CGN: variants seen among roughly 807,000 people sequenced by gnomAD.
CGN encodes cingulin.
CGN carries 121 observed loss-of-function variants against 157.1 expected under a neutral mutation model. The ratio of observed to expected loss-of-function variants is 0.77; its 90% CI spans 0.66 to 0.90. The LOEUF is 0.90. Ranked by LOEUF, CGN falls within the 40% of genes least tolerant of loss-of-function variation. CGN has a pLI of 0.00. For missense variants in CGN, 1,424 were observed against 1,520.9 expected (o/e 0.94, Z 1.06); for synonymous variants, 535 against 607.5 (o/e 0.88, Z 1.76).
intron 2 of CGN, among the ~76,000 whole-genome samples, chr1:151,519,825 C>T (rs1362325144): frequency 1.3e-5 from 2 of 152,230 alleles, no homozygotes; most frequent in African/African-American, 2.4e-5. Context: ...AAACGTAAGT[C>T]TGTTTTAAAA....
Position 151,538,446 on chromosome 1 carries a change from C to T in CGN, c.*1100C>T, listed in dbSNP as rs993074172. ...GAGGCAACGGAAGACATTTATTTCT[C>T]CTTTGGATTTTGGGGAGAACCAAGC... On this transcript the variant is annotated 3_prime_UTR_variant, in exon 21 of 21. Transcript: ENST00000271636. 2.0e-5 allele frequency: 3 copies of T among 152,128 alleles called. No individual in the cohort carries two copies. Among genetic ancestry groups the T allele is most frequent in the Non-Finnish European group, 4.4e-5 (3 of 68,052 alleles). The allele number at this position is 152,128 out of a possible 1,614,324, so 9.4% of individuals were successfully genotyped here. A position where few individuals can be genotyped will look rare whatever the true frequency, so the allele number is the denominator to read the frequency against.
chr1:151,529,028 G>A (rs1400516505), intron 10 of CGN, among the ~76,000 whole-genome samples: 4 of 152,086 alleles, frequency 2.6e-5, no homozygotes, highest in East Asian at 1.9e-4. Context: ...TGGGTATACC[G>A]TGTTTAGTCC....
chr1:151,536,000 G>A, intron 18 of CGN, 102 bp downstream of exon 18: 1 of 881,944 alleles, frequency 1.1e-6, no homozygotes, highest in Non-Finnish European at 1.8e-6. Context: ...CCTCAGATAT[G>A]GCCAGCCTGG....
At chr1:151,526,426 C>T (rs1446023747) in intron 9 of CGN, among the ~76,000 whole-genome samples, 7 of 151,424 alleles carry the variant, frequency 4.6e-5, no homozygotes, top group South Asian at 2.1e-4. Context: ...CCTCCCACCT[C>T]GGCCCCCCAA....
chr1:151,526,921 G>A (rs1025938672), intron 9 of CGN, 54 bp from the exon 10 acceptor site: 8 of 1,610,378 alleles, frequency 5.0e-6, no homozygotes, highest in South Asian at 1.1e-5. Flanking sequence ...CCTCCCCCAG[G>A]CATGTGGCCT....
intron 13 of CGN, among the ~76,000 whole-genome samples, chr1:151,530,949 G>C (rs1436288791): frequency 1.3e-5 from 2 of 152,040 alleles, no homozygotes; most frequent in African/African-American, 4.8e-5. Flanking sequence ...AGACCAGCCT[G>C]GCCAACATAG....
chr1:151,522,297 A>C (rs1301750663), intron 5 of CGN, among the ~76,000 whole-genome samples: 1 of 152,068 alleles, frequency 6.6e-6, no homozygotes, highest in Non-Finnish European at 1.5e-5. Flanking sequence ...TGAATGAAGC[A>C]AACAAAACCA....
In CGN at chr1:151,524,647, C is replaced by T. The variant is rs779449662; in HGVS notation, c.1402-27C>T. ...CAGATGGATTCTAATATGGTCACCC[C>T]TGTACTTCTTCCTTTATTTTCTCCA... On this transcript the variant is annotated intron_variant, in intron 7 of 20. Coordinates refer to ENST00000271636, the MANE Select transcript of CGN (RefSeq NM_020770.3). The surrounding 1 kb of genome is among the most constrained non-coding windows in gnomAD (Gnocchi z 4.4). 1 of 1,568,362 alleles carries T rather than the reference C, an allele frequency of 6.4e-7. No individual in the cohort carries two copies. The highest frequency in any genetic ancestry group is 8.7e-7 in the Non-Finnish European group (1 of 1,150,870).
Position 151,520,440 on chromosome 1 carries a change from G to A in CGN, c.1001G>A (p.Arg334Lys), listed in dbSNP as rs1297656228. ...AGCTCAGAAAGTGAAACCTCTGTGA[G>A]GAGGAAGGTTAGTTTGGTGCTGGAG... ...EGSSESETSV[R>K]RKVSLVLEKM... Residue 334 changes from arginine to lysine, a missense_variant, in exon 4 of 21, where the codon AGG (arginine) becomes AAG (lysine). By Grantham distance (26) the Arg-to-Lys change is conservative. Transcript: ENST00000271636. 2 of 1,614,092 alleles carry A rather than the reference G, an allele frequency of 1.2e-6. No homozygotes were observed. Among genetic ancestry groups the A allele is most frequent in the East Asian group, 2.2e-5 (1 of 44,878 alleles).
intron 5 of CGN, among the ~76,000 whole-genome samples, chr1:151,522,573 C>T (rs1188206777): frequency 2.6e-5 from 4 of 151,836 alleles, no homozygotes; most frequent in Non-Finnish European, 5.9e-5. Context: ...TTGCCATGAG[C>T]CGAGATTGCG....
rs138636862 is a variant in CGN at position 151,536,864 on chromosome 1, C to T, written c.3441C>T (p.Ala1147=). ...EQHEVNEQLQ[A]RIKSLEKDSW... ...ATGAGGTCAATGAACAGCTCCAGGC[C>T]CGGATCAAGTCTCTGGAGAAGGACT... The change falls in exon 20 of 21, where the codon GCC becomes GCT. Residue 1147 remains alanine, a synonymous_variant. Coordinates refer to ENST00000271636, the MANE Select transcript of CGN (RefSeq NM_020770.3). 5 of 1,614,056 alleles carry T rather than the reference C, an allele frequency of 3.1e-6. No individual in the cohort carries two copies. The African/African-American group carries it at 6.7e-5, about 22-fold the overall frequency.
rs372320057 is a variant in CGN, at chr1:151,537,283, C to T, written c.3549C>T (p.Val1183=). The T allele has an allele frequency of 1.2e-6, 2 of 1,614,002 alleles. No individual in the cohort carries two copies. Among genetic ancestry groups the T allele is most frequent in the East Asian group, 4.5e-5 (2 of 44,894 alleles). ...GLSSDEEFDS[V]YDPSSIASLL... is the part of the protein sequence containing the mutation. Reference sequence around the variant, plus strand: ...GCTCAGATGAGGAATTCGACAGTGTCTACGATCCCTCGTCCATTGCATCAC... The same window carrying T: ...GCTCAGATGAGGAATTCGACAGTGTTTACGATCCCTCGTCCATTGCATCAC... Residue 1183 remains valine (V), a synonymous_variant, in exon 21 of 21, where the codon GTC becomes GTT. Coordinates refer to ENST00000271636, the MANE Select transcript of CGN (RefSeq NM_020770.3).
In CGN at chr1:151,533,576, C is replaced by T. The variant is rs1372103077; in HGVS notation, c.2743-399C>T. 8.6e-5 allele frequency among the ~76,000 whole-genome samples: 13 copies of T among 151,508 alleles called. No individual in the cohort carries two copies. In the South Asian group the frequency reaches 2.1e-3, roughly 24 times the overall value. On this transcript the variant is annotated intron_variant, in intron 14 of 20. Transcript: ENST00000271636. The stretch of plus-strand genomic sequence containing the variant: ...TTGGGAGGCTGTGGCGGGCAGATCA[C>T]GAGGTCAGGAGATTGAGACCATCTT...
rs745456356 is a variant in CGN, at chr1:151,527,083, T to C, written c.1872T>C (p.Thr624=). Residue 624 remains threonine, a synonymous_variant, in exon 10 of 21, where the codon ACT becomes ACC. Transcript: ENST00000271636. ...AGGCCCGAGCTAGTGCTGGAGATAC[T>C]CGCCAGGTTGAGGTGCTCAAGAAGG... is the stretch of plus-strand genomic sequence containing the variant. The part of the protein sequence containing the change: ...LEQARASAGD[T]RQVEVLKKEL... 1 of 1,614,180 alleles carries C rather than the reference T, an allele frequency of 6.2e-7. No individual in the cohort carries two copies. The highest frequency in any genetic ancestry group is 1.3e-5 in the African/African-American group (1 of 75,040).
Position 151,511,443 on chromosome 1 carries a change from C to T in CGN, c.-87C>T, listed in dbSNP as rs1015842240. 5.6e-6 allele frequency: 1 copy of T among 177,600 alleles called. No homozygotes were observed. The highest frequency in any genetic ancestry group is 2.5e-5 in the African/African-American group (1 of 40,108). 11.0% of individuals were successfully genotyped at this position (177,600 alleles called of 1,614,324 possible). On this transcript the variant is annotated 5_prime_UTR_variant, in exon 1 of 21. Transcript: ENST00000271636. This position sits in a 1 kb window ranked among gnomAD's most constrained non-coding sequence, Gnocchi z 4.8. ...AGCTGCGCGTGCTGCTTTGCCCGAG[C>T]CCGAGCCCGAGCCCGAGCCCGAGCC...
chr1:151,519,492 C>A, intron 2 of CGN, 100 bp downstream of exon 2: 1 of 1,098,396 alleles, frequency 9.1e-7, no homozygotes, highest in Non-Finnish European at 1.3e-6. Flanking sequence ...ATTCAAATAG[C>A]CTAGGCAGAA....
intron 15 of CGN, 178 bp downstream of exon 15, chr1:151,534,314 A>G: frequency 1.5e-6 from 1 of 648,844 alleles, no homozygotes; most frequent in South Asian, 2.1e-5. Flanking sequence ...AAAAATTTGG[A>G]TTTCTAGTTT....
At chr1:151,525,615 C>T in intron 8 of CGN, 27 bp from the exon 9 acceptor site, 3 of 1,534,124 alleles carry the variant, frequency 2.0e-6, no homozygotes, top group Non-Finnish European at 2.6e-6. Context: ...TCTGAGCCTT[C>T]TGGTGTCCAA....
intron 15 of CGN, 133 bp from the exon 16 acceptor site, chr1:151,534,909 C>A: frequency 1.5e-6 from 1 of 668,714 alleles, no homozygotes; most frequent in Non-Finnish European, 2.6e-6. Flanking sequence ...TGGGTCCAGG[C>A]AAGTACCAAA....
Sources: gnomAD v4.1 joint callset for allele counts (sites outside exome capture counted in the v4.1 genomes callset) on GRCh38, gnomAD v4.1.1 for gene constraint, Gnocchi (gnomAD v3.1) non-coding constraint, MANE v1.5 for transcripts, NCBI Gene and HGNC (gene_info 2026-07-23, HGNC 2026-07-21) for gene names.